The following DENND4A variants were observed in gnomAD, a reference collection of about 807,000 sequenced individuals.
The protein encoded by DENND4A is C-myc promoter-binding protein.
DENND4A carries 70 observed loss-of-function variants against 199.3 expected under a neutral mutation model. The observed-to-expected ratio is 0.35, with a 90% CI of 0.29 to 0.43. The LOEUF is 0.43. Ranked by LOEUF, DENND4A falls within the 20% of genes least tolerant of loss-of-function variation. The probability of loss-of-function intolerance (pLI) is 1.00; values close to 1 mark genes in which losing one functional copy is unlikely to be tolerated. For synonymous variants in DENND4A, 686 were observed against 766.9 expected, an observed-to-expected ratio of 0.89 and a Z score of 1.74; for missense variants, 1,723 against 2,255.8, an observed-to-expected ratio of 0.76 and a Z score of 4.78.
At chr15:65,664,892 AT>A (rs1164238845) in intron 30 of DENND4A, 170 bp from the exon 31 acceptor site, 2 of 591,400 alleles carry the variant, frequency 3.4e-6, no homozygotes, top group African/African-American at 3.8e-5. Context: ...AAGACAAATA[AT>A]GACAAAAAAA....
chr15:65,729,513 A>G (rs1221894346), intron 10 of DENND4A, 21 bp downstream of exon 10: 9 of 1,593,588 alleles, frequency 5.6e-6, no homozygotes, highest in South Asian at 2.3e-5. Context: ...TTGACTGCCA[A>G]TAAGAAACTG....
intron 27 of DENND4A, among the ~76,000 whole-genome samples, chr15:65,668,453 C>T (rs2076115911): frequency 6.6e-6 from 1 of 152,072 alleles, no homozygotes; most frequent in Non-Finnish European, 1.5e-5. Context: ...AAGCCATCTG[C>T]CCACCTCGGC....
chr15:65,664,811 C>A, intron 30 of DENND4A, 89 bp from the exon 31 acceptor site: 12 of 1,134,696 alleles, frequency 1.1e-5, no homozygotes, highest in East Asian at 2.6e-5. Context: ...TATTAAGTTA[C>A]AAAGCACTAA....
Position 65,691,466 on chromosome 15 carries a change from T to C in DENND4A, c.3128A>G (p.Asn1043Ser). 6.2e-7 allele frequency: 1 copy of C among 1,612,166 alleles called. No homozygotes were observed. The highest frequency in any genetic ancestry group is 8.5e-7 in the Non-Finnish European group (1 of 1,179,052). ...TCTACTTTGAATGTTTCGTGTTTCA[T>C]TTGTATCTTCAAGAGATGATATTAA... ...LLLISSLEDTNETRNIQSRCF... is the reference protein window; with the variant it reads ...LLLISSLEDTSETRNIQSRCF... The change falls in exon 23 of 33, where the codon AAT (asparagine) becomes AGT (serine). Residue 1043 changes from asparagine (N) to serine (S), a missense_variant. Asn to Ser is a conservative substitution (Grantham distance 46). Around this residue, in one of 6 missense-constraint regions of DENND4A, gnomAD observed 650 missense variants for 738.1 expected, o/e 0.88. Transcript: ENST00000443035.
chr15:65,691,445 C>T lies in DENND4A; in HGVS notation c.3149G>A (p.Ser1050Asn), dbSNP rs1309062417. Reference sequence around the variant, plus strand: ...TTTATGTCTTTTCCTGAAGCATCTACTTTGAATGTTTCGTGTTTCATTTGT... The same window carrying T: ...TTTATGTCTTTTCCTGAAGCATCTATTTTGAATGTTTCGTGTTTCATTTGT... ...EDTNETRNIQSRCFRKRHKSD... is the reference protein window; with the variant it reads ...EDTNETRNIQNRCFRKRHKSD... The change falls in exon 23 of 33, where the codon AGT (serine) becomes AAT (asparagine). Residue 1050 changes from serine to asparagine, a missense_variant. Around this residue, in one of 6 missense-constraint regions of DENND4A, gnomAD observed 650 missense variants for 738.1 expected, o/e 0.88. Coordinates refer to ENST00000443035, the MANE Select transcript of DENND4A (RefSeq NM_001320835.1). 1.9e-5 allele frequency: 30 copies of T among 1,613,012 alleles called. No individual in the cohort carries two copies. Among genetic ancestry groups the T allele is most frequent in the Admixed American group, 5.0e-5 (3 of 59,818 alleles).
chr15:65,721,646 G>A (rs185276896), intron 12 of DENND4A, among the ~76,000 whole-genome samples: 4 of 150,894 alleles, frequency 2.7e-5, no homozygotes, highest in East Asian at 2.0e-4. Context: ...CTGTCACCAA[G>A]GATGGAGTGC....
At chr15:65,716,981 T>C (rs7162611) in intron 13 of DENND4A, among the ~76,000 whole-genome samples, 32,935 of 152,158 alleles carry the variant, frequency 0.22, 4,110 homozygotes, top group African/African-American at 0.34. Context: ...TCGATTTGCA[T>C]TGTCTGGCTA....
At chr15:65,745,690 CAAT>C (rs1418216158) in intron 4 of DENND4A, among the ~76,000 whole-genome samples, 4 of 151,946 alleles carry the variant, frequency 2.6e-5, no homozygotes, top group Admixed American at 6.6e-5. Flanking sequence ...AAGAAAACTT[CAAT>C]AATAACTTTG....
intron 23 of DENND4A, among the ~76,000 whole-genome samples, chr15:65,682,421 T>C (rs1231011846): frequency 6.6e-6 from 1 of 152,242 alleles, no homozygotes; most frequent in Non-Finnish European, 1.5e-5. Context: ...GGCTTCAAAC[T>C]TTTCTTCTGC....
At chr15:65,746,499 G>A (rs1361790467) in intron 4 of DENND4A, among the ~76,000 whole-genome samples, 1 of 140,100 alleles carries the variant, frequency 7.1e-6, no homozygotes, top group Non-Finnish European at 1.5e-5. Flanking sequence ...CAATTCTCCT[G>A]CCTCAGCCTC....
chr15:65,721,228 T>A (rs2075630069), intron 12 of DENND4A, among the ~76,000 whole-genome samples: 1 of 151,962 alleles, frequency 6.6e-6, no homozygotes, highest in South Asian at 2.1e-4. Flanking sequence ...ATTACATGCA[T>A]GATTTATTTG....
Position 65,667,545 on chromosome 15 carries a change from A to C in DENND4A, c.5145T>G (p.Val1715=). The C allele has an allele frequency of 1.9e-6, 3 of 1,613,982 alleles. No homozygotes were observed. Among genetic ancestry groups the C allele is most frequent in the Non-Finnish European group, 1.7e-6 (2 of 1,179,870 alleles). Residue 1715 remains valine (V), a synonymous_variant, in exon 29 of 33, where the codon GTT becomes GTG. Coordinates refer to ENST00000443035, the MANE Select transcript of DENND4A (RefSeq NM_001320835.1). The part of the protein sequence containing the change: ...VADFVDHHPI[V]FWNLVWYFRR... ...TGAAATACCATACCAGGTTCCAAAAAACAATTGGATGATGGTCCACAAAGT... is the reference window on the plus strand; with the variant it reads ...TGAAATACCATACCAGGTTCCAAAACACAATTGGATGATGGTCCACAAAGT...
chr15:65,746,369 C>CT (rs573935476), intron 4 of DENND4A, among the ~76,000 whole-genome samples: 2,354 of 51,144 alleles, frequency 0.046, 427 homozygotes, highest in Non-Finnish European at 0.064. Flanking sequence ...ACTTTTTTCT[C>CT]TTTTTTTTTT....
chr15:65,781,697 G>C (rs1379080802), intron 1 of DENND4A, among the ~76,000 whole-genome samples: 1 of 152,168 alleles, frequency 6.6e-6, no homozygotes, highest in Admixed American at 6.5e-5. Context: ...GAGATGAAGT[G>C]AAGGCGATAA....
At chr15:65,756,881 C>T (rs1056523772) in intron 2 of DENND4A, among the ~76,000 whole-genome samples, 1 of 151,826 alleles carries the variant, frequency 6.6e-6, no homozygotes, top group African/African-American at 2.4e-5. Context: ...ACTAAAAATA[C>T]CAAAAATTAG....
intron 5 of DENND4A, among the ~76,000 whole-genome samples, chr15:65,740,350 C>T (rs1478001590): frequency 6.6e-6 from 1 of 151,438 alleles, no homozygotes; most frequent in Non-Finnish European, 1.5e-5. Context: ...CAGCTCACGC[C>T]TGTAATCTCA....
At chr15:65,688,442 T>C (rs1409980719) in intron 23 of DENND4A, among the ~76,000 whole-genome samples, 1 of 152,362 alleles carries the variant, frequency 6.6e-6, no homozygotes, top group South Asian at 2.1e-4. Flanking sequence ...TATTATGTTA[T>C]GTAGCCTGGG....
intron 11 of DENND4A, 196 bp downstream of exon 11, chr15:65,728,876 C>T: frequency 1.6e-6 from 1 of 630,910 alleles, no homozygotes; most frequent in South Asian, 1.7e-5. Flanking sequence ...GTCCTTCCAA[C>T]AAAACCTTCT....
intron 7 of DENND4A, among the ~76,000 whole-genome samples, chr15:65,733,485 T>C (rs1255453127): frequency 6.6e-6 from 1 of 152,200 alleles, no homozygotes; most frequent in Non-Finnish European, 1.5e-5. Flanking sequence ...AAAACATTAT[T>C]TCAAAATCAT....
Sources: allele counts gnomAD v4.1 joint callset (sites outside exome capture counted in the v4.1 genomes callset), GRCh38; gene constraint gnomAD v4.1.1; regional missense constraint gnomAD v4.1.1; transcripts MANE v1.5; gene names NCBI Gene and HGNC (gene_info 2026-07-23, HGNC 2026-07-21).